Variants in NFIA observed in about 807,000 individuals in gnomAD.
NFIA encodes the protein nuclear factor 1 A-type.
In NFIA, 8 loss-of-function variants were observed where a neutral mutation model predicts 62.8. The observed-to-expected ratio is 0.13, with a 90% CI of 0.07 to 0.23. The LOEUF is 0.23. NFIA is among the 10% of genes least tolerant of loss of function. NFIA has a pLI of 1.00. For synonymous variants in NFIA, 235 were observed against 238.1 expected (o/e 0.99, Z 0.12); for missense variants, 410 against 642.1 (o/e 0.64, Z 3.91).
chr1:61,223,388 C>T (rs1654135180), intron 2 of NFIA, among the ~76,000 whole-genome samples: 1 of 151,908 alleles, frequency 6.6e-6, no homozygotes, highest in Non-Finnish European at 1.5e-5. Context: ...TGAAAGGTGT[C>T]ACATGCAGCT....
At chr1:61,369,034 G>C (rs964023924) in intron 6 of NFIA, among the ~76,000 whole-genome samples, 2 of 152,182 alleles carry the variant, frequency 1.3e-5, no homozygotes, top group Admixed American at 1.3e-4. Flanking sequence ...CAGCGGCTTA[G>C]ACCACAGTCC....
At chr1:61,242,444 G>C in intron 2 of NFIA, among the ~76,000 whole-genome samples, 1 of 152,114 alleles carries the variant, frequency 6.6e-6, no homozygotes, top group South Asian at 2.1e-4. Context: ...CTGGAAAAAA[G>C]AATTTTATTT....
chr1:61,109,877 A>G (rs556602341), intron 2 of NFIA, among the ~76,000 whole-genome samples: 2 of 152,150 alleles, frequency 1.3e-5, no homozygotes, highest in African/African-American at 4.8e-5. Context: ...GTGGTAATTG[A>G]ATCTATACTG....
chr1:61,394,596 T>C (rs1665171772), intron 7 of NFIA, among the ~76,000 whole-genome samples: 1 of 152,180 alleles, frequency 6.6e-6, no homozygotes. Context: ...AGAGTCAAGC[T>C]CATTTTGTAG....
At chr1:61,334,555 GTATATATATATATATATATATATATA>G (rs56259392) in intron 4 of NFIA, among the ~76,000 whole-genome samples, 15,452 of 97,488 alleles carry the variant, frequency 0.16, 2,392 homozygotes, top group South Asian at 0.23. Flanking sequence ...GTGTGTGTGT[GTATATATATATATATATATATATATA>G]TATATATATA....
At chr1:61,369,917 C>T (rs1039235422) in intron 6 of NFIA, among the ~76,000 whole-genome samples, 2 of 152,148 alleles carry the variant, frequency 1.3e-5, no homozygotes, top group African/African-American at 4.8e-5. Context: ...TGATGATTCT[C>T]TTTAAACGTT....
At chr1:61,227,707 A>G (rs1217644360) in intron 2 of NFIA, among the ~76,000 whole-genome samples, 2 of 152,190 alleles carry the variant, frequency 1.3e-5, no homozygotes, top group Non-Finnish European at 2.9e-5. Context: ...CTATATGTTT[A>G]TGAACCATCT....
chr1:61,291,883 A>G (rs532043524), intron 3 of NFIA, among the ~76,000 whole-genome samples: 34 of 152,176 alleles, frequency 2.2e-4, no homozygotes, highest in Non-Finnish European at 4.6e-4. Context: ...TTATAGTGTT[A>G]CATGCATTAT....
At chr1:61,283,511 G>C (rs1658265900) in intron 3 of NFIA, among the ~76,000 whole-genome samples, 1 of 144,062 alleles carries the variant, frequency 6.9e-6, no homozygotes, top group African/African-American at 2.6e-5. Context: ...GAACCCAGAA[G>C]GCAGAGGTTG....
upstream of NFIA, chr1:61,077,655 T>C: frequency 7.1e-7 from 1 of 1,407,098 alleles, no homozygotes; most frequent in Non-Finnish European, 9.4e-7. Flanking sequence ...AAACTTTCTA[T>C]TTTGCATTTA....
chr1:61,218,179 T>A (rs1653765347), intron 2 of NFIA, among the ~76,000 whole-genome samples: 1 of 150,954 alleles, frequency 6.6e-6, no homozygotes, highest in Non-Finnish European at 1.5e-5. Flanking sequence ...GTAATGGAGG[T>A]ACCACTCTGT....
chr1:61,247,714 G>A (rs1655742030), intron 2 of NFIA, among the ~76,000 whole-genome samples: 1 of 151,976 alleles, frequency 6.6e-6, no homozygotes, highest in South Asian at 2.1e-4. Context: ...ACAAATATTG[G>A]GCCTTTGAGT....
chr1:61,260,906 C>A (rs907105246), intron 2 of NFIA, among the ~76,000 whole-genome samples: 12 of 152,142 alleles, frequency 7.9e-5, no homozygotes, highest in African/African-American at 2.9e-4. Context: ...GTTTCCACTT[C>A]CTTGGTTGCT....
chr1:61,282,789 C>T (rs1222118933), intron 3 of NFIA, among the ~76,000 whole-genome samples: 1 of 152,226 alleles, frequency 6.6e-6, no homozygotes, highest in Non-Finnish European at 1.5e-5. Flanking sequence ...TGCCATTTCT[C>T]ATCACCTGCA....
At chr1:61,353,548 T>G (rs1478943506) in intron 5 of NFIA, among the ~76,000 whole-genome samples, 1 of 152,210 alleles carries the variant, frequency 6.6e-6, no homozygotes, top group African/African-American at 2.4e-5. Flanking sequence ...CAGAAAAATG[T>G]CTGACAAAGG....
upstream of NFIA, chr1:61,077,492 T>TA (rs563405029): frequency 1.2e-4 from 101 of 831,116 alleles, 1 homozygote; most frequent in South Asian, 4.2e-3. Flanking sequence ...AACAGCTTTT[T>TA]AAAAAATCTC....
At chr1:61,428,197 A>G (rs941256502) in intron 10 of NFIA, among the ~76,000 whole-genome samples, 1 of 152,084 alleles carries the variant, frequency 6.6e-6, no homozygotes, top group Admixed American at 6.6e-5. Flanking sequence ...GTTCTTTTCA[A>G]TTTATTTCTT....
chr1:61,406,500 T>C, intron 8 of NFIA, 62 bp from the exon 9 acceptor site: 1 of 1,415,348 alleles, frequency 7.1e-7, no homozygotes, highest in South Asian at 1.3e-5. Context: ...AAGCAGCTAA[T>C]GGTTGCTGTC....
rs937662834 is a variant in NFIA at position 61,352,372 on chromosome 1, A to G, written c.701-78A>G. 4.1e-6 allele frequency: 4 copies of G among 980,436 alleles called. No individual in the cohort carries two copies. The African/African-American group carries it at 4.8e-5, about 12-fold the overall frequency. 60.7% of individuals were successfully genotyped at this position (980,436 alleles called of 1,614,324 possible). On this transcript the variant is annotated intron_variant, in intron 4 of 10. Coordinates refer to ENST00000403491, the MANE Select transcript of NFIA (RefSeq NM_001134673.4). ...TAAATGCAAAAAGAAAATGTGCTAA[A>G]TGCAACACTGAGGATGCTGTCATTG...
Sources: gnomAD v4.1 joint callset for allele counts (sites outside exome capture counted in the v4.1 genomes callset) on GRCh38, gnomAD v4.1.1 for gene constraint, MANE v1.5 for transcripts, NCBI Gene and HGNC (gene_info 2026-07-23, HGNC 2026-07-21) for gene names.